RNF213: variants seen among roughly 807,000 people sequenced by gnomAD.
RNF213 encodes E3 ubiquitin-protein ligase RNF213.
In RNF213, 341 loss-of-function variants were observed where a neutral mutation model predicts 514.4. The observed-to-expected ratio is 0.66, with a 90% CI of 0.61 to 0.73. The LOEUF is 0.73. RNF213 is among the 30% of genes least tolerant of loss of function. RNF213 has a pLI of 0.00. For synonymous variants in RNF213, 2,655 were observed against 2,658.2 expected (o/e 1.00, Z 0.04); for missense variants, 5,767 against 6,615.6 (o/e 0.87, Z 4.45).
chr17:80,339,083 A>ATTAAAAAAAC, intron 25 of RNF213, 118 bp from the exon 26 acceptor site: 1 of 758,074 alleles, frequency 1.3e-6, no homozygotes, highest in Non-Finnish European at 2.1e-6. Flanking sequence ...AGCGCAGATC[A>ATTAAAAAAAC]TGCAGTGGGC....
chr17:80,276,775 G>T lies in RNF213; in HGVS notation c.261+3371G>T, dbSNP rs547413980. Among the ~76,000 whole-genome samples, 13 of 151,338 alleles carry T rather than the reference G, an allele frequency of 8.6e-5. No individual in the cohort carries two copies. In the South Asian group the frequency reaches 1.7e-3, roughly 19 times the overall value. On this transcript the variant is annotated intron_variant, in intron 3 of 67. Coordinates refer to ENST00000582970, the MANE Select transcript of RNF213 (RefSeq NM_001256071.3). Reference sequence around the variant, plus strand: ...GTTACGCATAAAATTATCCTAGGCCGGGCGCGGTGGCTCACACCTGTCATC... The same window carrying T: ...GTTACGCATAAAATTATCCTAGGCCTGGCGCGGTGGCTCACACCTGTCATC...
In RNF213 at chr17:80,334,101, G is replaced by T; in HGVS notation, c.4144-4G>T. The T allele has an allele frequency of 6.5e-7, 1 of 1,537,150 alleles. No individual in the cohort carries two copies. Among genetic ancestry groups the T allele is most frequent in the South Asian group, 1.2e-5 (1 of 84,056 alleles). On this transcript the variant is annotated splice_region_variant and splice_polypyrimidine_tract_variant and intron_variant, in intron 21 of 67. Transcript: ENST00000582970. ...CCAGTCCACAGTAGAGCTTTTTCTTGCAGACTGATAACTTCGACGACTTTC... is the reference window on the plus strand; with the variant it reads ...CCAGTCCACAGTAGAGCTTTTTCTTTCAGACTGATAACTTCGACGACTTTC...
chr17:80,294,770 CA>C lies in RNF213; in HGVS notation c.1523del (p.Gln508ArgfsTer4). 6.2e-7 allele frequency: 1 copy of C among 1,614,108 alleles called. No individual in the cohort carries two copies. The highest frequency in any genetic ancestry group is 8.5e-7 in the Non-Finnish European group (1 of 1,180,040). On this transcript the variant is annotated frameshift_variant, in exon 9 of 68. Coordinates refer to ENST00000582970, the MANE Select transcript of RNF213 (RefSeq NM_001256071.3). LOFTEE classifies it high-confidence loss of function. Reference protein sequence around the residue: ...IVYMKPHGRLQKVMNHITDGP... With the variant: ...IVYMKPHGRLXKVMNHITDGP... ...TTATATGAAGCCTCATGGGAGACTC[CA>C]GAAAGTCATGAACCACATCACAGAC...
intron 22 of RNF213, 43 bp from the exon 23 acceptor site, chr17:80,336,118 C>G: frequency 6.8e-7 from 1 of 1,463,582 alleles, no homozygotes; most frequent in Non-Finnish European, 9.3e-7. Flanking sequence ...CTTGTGCTAT[C>G]GTGGAATAGT....
chr17:80,380,910 C>A lies in RNF213; in HGVS notation c.13720C>A (p.Leu4574Met), dbSNP rs2079971358. The A allele has an allele frequency of 6.2e-7, 1 of 1,614,054 alleles. No individual in the cohort carries two copies. The highest frequency in any genetic ancestry group is 1.3e-5 in the African/African-American group (1 of 74,930). Residue 4574 changes from leucine (L) to methionine (M), a missense_variant, in exon 56 of 68, where the codon CTG becomes ATG. Around this residue, in one of 13 missense-constraint regions of RNF213, gnomAD observed 1,245 missense variants for 1,339.0 expected, o/e 0.93. Coordinates refer to ENST00000582970, the MANE Select transcript of RNF213 (RefSeq NM_001256071.3). ...RRDVVTCDRGLPPVVFLLIRL... is the reference protein window; with the variant it reads ...RRDVVTCDRGMPPVVFLLIRL... ...AGACGTGGTGACATGTGACCGAGGG[C>A]TGCCCCCAGTGGTCTTCCTCCTTAT...
At chr17:80,305,993 T>A (rs1429142822) in intron 11 of RNF213, among the ~76,000 whole-genome samples, 1 of 152,104 alleles carries the variant, frequency 6.6e-6, no homozygotes, top group African/African-American at 2.4e-5. Flanking sequence ...CCACATAGCC[T>A]TTATTTTATT....
chr17:80,276,011 A>G (rs1360912009), intron 3 of RNF213, among the ~76,000 whole-genome samples: 1 of 150,840 alleles, frequency 6.6e-6, no homozygotes, highest in African/African-American at 2.4e-5. Flanking sequence ...TAGGTGTTTA[A>G]GGAAATCTCT....
At chr17:80,304,863 C>T (rs72849850) in intron 11 of RNF213, among the ~76,000 whole-genome samples, 15,246 of 152,040 alleles carry the variant, frequency 0.1, 853 homozygotes, top group African/African-American at 0.12. Context: ...CCATGAAACA[C>T]GACCTCCACA....
rs957857369 is a variant in RNF213 at position 80,371,794 on chromosome 17, C to T, written c.12426-80C>T. On this transcript the variant is annotated intron_variant, in intron 46 of 67. Transcript: ENST00000582970. ...CACACACACACACAGGACAGACGAC[C>T]GATAGATAGATGCTCTTTTTTTTAG... is the stretch of plus-strand genomic sequence containing the variant. 6 of 758,830 alleles carry T rather than the reference C, an allele frequency of 7.9e-6. No homozygotes were observed. The East Asian group carries it at 1.1e-4, about 14-fold the overall frequency. The allele number at this position is 758,830 out of a possible 1,614,324, so 47.0% of individuals were successfully genotyped here.
chr17:80,307,861 T>G (rs1394753554), intron 13 of RNF213, among the ~76,000 whole-genome samples: 3,860 of 149,014 alleles, frequency 0.026, 136 homozygotes, highest in African/African-American at 0.08. Context: ...TCTGTTTTTT[T>G]TTTTTTTTTT....
At chr17:80,262,525 C>T (rs1309665029) in intron 1 of RNF213, among the ~76,000 whole-genome samples, 1 of 152,066 alleles carries the variant, frequency 6.6e-6, no homozygotes. Flanking sequence ...CTTGTGTGTC[C>T]CTGGGACCGT....
chr17:80,374,156 A>G (rs573623063), intron 49 of RNF213, among the ~76,000 whole-genome samples: 1 of 152,348 alleles, frequency 6.6e-6, no homozygotes, highest in South Asian at 2.1e-4. Context: ...TAGAGTTGAC[A>G]TGACTTGAGC....
At position 80,355,707 on chromosome 17, in the gene RNF213, T is replaced by C. The variant is rs144809290; in HGVS notation, c.10862+1131T>C. On this transcript the variant is annotated intron_variant, in intron 36 of 67. Coordinates refer to ENST00000582970, the MANE Select transcript of RNF213 (RefSeq NM_001256071.3). ...AGCGGGGTGACCGGGAATGGGGGCT[T>C]ACAGAGGAAGAAGCGGGGTGGACGG... Among the ~76,000 whole-genome samples the C allele has an allele frequency of 3.1e-3, 43 of 14,042 alleles. 1 individual carries two copies. Among genetic ancestry groups the C allele is most frequent in the African/African-American group, 0.021 (34 of 1,658 alleles). The allele number at this position is 14,042 out of a possible 152,430, so 9.2% of individuals were successfully genotyped here.
chr17:80,337,506 CG>C, intron 23 of RNF213, 79 bp from the exon 24 acceptor site: 7 of 1,497,036 alleles, frequency 4.7e-6, no homozygotes, highest in Non-Finnish European at 3.6e-6. Context: ...GAGGCAGAGG[CG>C]GGAGGCCGAC....
intron 3 of RNF213, among the ~76,000 whole-genome samples, chr17:80,287,510 A>C (rs2044514145): frequency 6.6e-6 from 1 of 152,200 alleles, no homozygotes; most frequent in African/African-American, 2.4e-5. Context: ...TCAAATAAAT[A>C]AATAAATACA....
intron 14 of RNF213, among the ~76,000 whole-genome samples, chr17:80,309,884 T>A (rs1314911860): frequency 6.6e-6 from 1 of 152,012 alleles, no homozygotes; most frequent in African/African-American, 2.4e-5. Context: ...ACCTCCCAAG[T>A]AGCTGGGACT....
Position 80,377,003 on chromosome 17 carries a change from C to A in RNF213, c.13510+40C>A. On this transcript the variant is annotated intron_variant, in intron 53 of 67. Coordinates refer to ENST00000582970, the MANE Select transcript of RNF213 (RefSeq NM_001256071.3). The surrounding 1 kb of genome is among the most constrained non-coding windows in gnomAD (Gnocchi z 4.1). The stretch of plus-strand genomic sequence containing the variant: ...CTAGATGACCCCACACTCCTTTGAG[C>A]TTCAAAGGGTGTCCAGATGCTATGA... 1 of 1,449,266 alleles carries A rather than the reference C, an allele frequency of 6.9e-7. No homozygotes were observed. Among genetic ancestry groups the A allele is most frequent in the Non-Finnish European group, 9.7e-7 (1 of 1,033,004 alleles). 89.8% of individuals were successfully genotyped at this position (1,449,266 alleles called of 1,614,324 possible). A position where few individuals can be genotyped will look rare whatever the true frequency, so the allele number is the denominator to read the frequency against.
At chr17:80,350,574 G>T (rs2078472592) in intron 31 of RNF213, among the ~76,000 whole-genome samples, 178 bp downstream of exon 31, 1 of 152,168 alleles carries the variant, frequency 6.6e-6, no homozygotes, top group Non-Finnish European at 1.5e-5. Flanking sequence ...GAGACAAAAA[G>T]AAAAGGCCAA....
chr17:80,293,805 C>T (rs1191007063), intron 8 of RNF213, among the ~76,000 whole-genome samples: 7 of 151,166 alleles, frequency 4.6e-5, no homozygotes, highest in African/African-American at 7.3e-5. Context: ...CCAGCCTGGG[C>T]GACAGAGGGA....
Sources: allele counts gnomAD v4.1 joint callset (sites outside exome capture counted in the v4.1 genomes callset), GRCh38; gene constraint gnomAD v4.1.1; regional missense constraint gnomAD v4.1.1; non-coding constraint Gnocchi (gnomAD v3.1); transcripts MANE v1.5; gene names NCBI Gene and HGNC (gene_info 2026-07-23, HGNC 2026-07-21).